Variants in ODAD2 observed in about 807,000 individuals in gnomAD.
ODAD2 encodes the protein outer dynein arm-docking complex subunit 2.
ODAD2 carries 89 observed loss-of-function variants against 106.8 expected under a neutral mutation model. The observed-to-expected ratio is 0.83, with a 90% CI of 0.70 to 0.99. The LOEUF (loss-of-function observed/expected upper bound fraction) is 0.99, where lower values mean the gene tolerates loss of function less well. Among genes scored for constraint, ODAD2 ranks in the 50% least tolerant of loss-of-function variants. The pLI is 0.00. For synonymous variants in ODAD2, 404 were observed against 436.2 expected (o/e 0.93, Z 0.92); for missense variants, 1,168 against 1,238.5 (o/e 0.94, Z 0.85).
intron 19 of ODAD2, among the ~76,000 whole-genome samples, chr10:27,814,663 C>G (rs1205756524): frequency 1.3e-5 from 2 of 152,218 alleles, no homozygotes; most frequent in Non-Finnish European, 2.9e-5. Context: ...TCCATGGGCT[C>G]ACATACTTTT....
At chr10:27,862,167 G>A (rs1840093741) in intron 18 of ODAD2, among the ~76,000 whole-genome samples, 1 of 152,106 alleles carries the variant, frequency 6.6e-6, no homozygotes, top group African/African-American at 2.4e-5. Context: ...AATAGCACTT[G>A]TATTTGCCAG....
At chr10:27,900,838 T>G (rs936336511) in intron 17 of ODAD2, among the ~76,000 whole-genome samples, 1 of 152,164 alleles carries the variant, frequency 6.6e-6, no homozygotes, top group East Asian at 1.9e-4. Flanking sequence ...CTACTTTTGA[T>G]TGGTGTACCT....
chr10:27,838,883 C>T (rs567365575), intron 19 of ODAD2, among the ~76,000 whole-genome samples: 1 of 152,272 alleles, frequency 6.6e-6, no homozygotes, highest in South Asian at 2.1e-4. Context: ...CGGGACATAG[C>T]TACTGTTGAA....
In ODAD2 at chr10:27,940,659, T is replaced by C; in HGVS notation, c.1890A>G (p.Lys630=). The change falls in exon 13 of 20, where the codon AAA becomes AAG. Residue 630 remains lysine (K), a synonymous_variant. Coordinates refer to ENST00000305242, the MANE Select transcript of ODAD2 (RefSeq NM_018076.5). ...GAGCCAACAGAGGAATGCCCCCAGCTTTGCGGATGGCTTCTTTATTCGTAT... is the reference window on the plus strand; with the variant it reads ...GAGCCAACAGAGGAATGCCCCCAGCCTTGCGGATGGCTTCTTTATTCGTAT... The part of the protein sequence containing the change: ...KSHTNKEAIR[K]AGGIPLLARL... 1.2e-6 allele frequency: 2 copies of C among 1,614,132 alleles called. No homozygotes were observed. Among genetic ancestry groups the C allele is most frequent in the Non-Finnish European group, 1.7e-6 (2 of 1,180,002 alleles).
rs758029310 is a variant in ODAD2, at chr10:27,986,656, T to C, written c.382+730A>G. Reference sequence around the variant, plus strand: ...TCAAATACCTTGTGCCAGAAACCCATTGGTCACATAATTCCAATAAAGCAG... The same window carrying C: ...TCAAATACCTTGTGCCAGAAACCCACTGGTCACATAATTCCAATAAAGCAG... On this transcript the variant is annotated intron_variant, in intron 3 of 19. Coordinates refer to ENST00000305242, the MANE Select transcript of ODAD2 (RefSeq NM_018076.5). 7.2e-5 allele frequency among the ~76,000 whole-genome samples: 11 copies of C among 152,194 alleles called. No homozygotes were observed. The East Asian group carries it at 9.6e-4, about 13-fold the overall frequency.
chr10:27,841,972 G>A (rs1202386083), intron 19 of ODAD2, among the ~76,000 whole-genome samples: 1 of 152,114 alleles, frequency 6.6e-6, no homozygotes, highest in Non-Finnish European at 1.5e-5. Flanking sequence ...GCCCAGGCTA[G>A]TCCTCAGAAA....
At chr10:27,907,418 T>TCC (rs1174203189) in intron 17 of ODAD2, among the ~76,000 whole-genome samples, 5 of 152,176 alleles carry the variant, frequency 3.3e-5, no homozygotes, top group Non-Finnish European at 7.3e-5. Flanking sequence ...GATGCTTGCT[T>TCC]CCATTGCACC....
chr10:27,948,158 A>T (rs1348856166), intron 10 of ODAD2, among the ~76,000 whole-genome samples: 1 of 152,212 alleles, frequency 6.6e-6, no homozygotes, highest in African/African-American at 2.4e-5. Flanking sequence ...TACAGTTATC[A>T]TCAAGAAGTT....
In ODAD2 at chr10:27,956,093, T is replaced by C. The variant is rs546759472; in HGVS notation, c.1386+5475A>G. On this transcript the variant is annotated intron_variant, in intron 10 of 19. Coordinates refer to ENST00000305242, the MANE Select transcript of ODAD2 (RefSeq NM_018076.5). ...AAATCCACGCCAGTGTTTGATGAATTTGATGATACAGAACAAACAAATTAG... is the reference window on the plus strand; with the variant it reads ...AAATCCACGCCAGTGTTTGATGAATCTGATGATACAGAACAAACAAATTAG... 3.9e-5 allele frequency among the ~76,000 whole-genome samples: 6 copies of C among 152,208 alleles called. No homozygotes were observed. The South Asian group carries it at 1.2e-3, about 32-fold the overall frequency.
chr10:27,972,059 G>C (rs1266695395), intron 7 of ODAD2, among the ~76,000 whole-genome samples: 1 of 152,098 alleles, frequency 6.6e-6, no homozygotes, highest in Non-Finnish European at 1.5e-5. Flanking sequence ...ACATATAATT[G>C]ACTATCTAAA....
rs1037207811 is a variant in ODAD2, at chr10:27,981,713, G to T, written c.820-131C>A. On this transcript the variant is annotated intron_variant, in intron 6 of 19. Transcript: ENST00000305242. The stretch of plus-strand genomic sequence containing the variant: ...GATCTATATGGTAGTTTTAATACAG[G>T]AAATGTATAGGCAAAATCCTTCCCC... 9.3e-6 allele frequency: 6 copies of T among 646,026 alleles called. No individual in the cohort carries two copies. The East Asian group carries it at 1.3e-4, about 14-fold the overall frequency. 40.0% of individuals were successfully genotyped at this position (646,026 alleles called of 1,614,324 possible).
intron 19 of ODAD2, among the ~76,000 whole-genome samples, chr10:27,850,486 G>GGC (rs1399387701): frequency 1.3e-5 from 2 of 151,230 alleles, no homozygotes; most frequent in Non-Finnish European, 2.9e-5. Context: ...GAACGTGGGA[G>GGC]GCGGAGGTTG....
intron 16 of ODAD2, among the ~76,000 whole-genome samples, chr10:27,914,688 GTA>G (rs960178921): frequency 2.0e-5 from 3 of 146,888 alleles, no homozygotes; most frequent in Admixed American, 6.7e-5. Flanking sequence ...GTATGTGTGT[GTA>G]TATATATATG....
At chr10:27,954,430 G>T (rs1847577863) in intron 10 of ODAD2, among the ~76,000 whole-genome samples, 1 of 152,152 alleles carries the variant, frequency 6.6e-6, no homozygotes, top group East Asian at 1.9e-4. Flanking sequence ...TAACTAGATG[G>T]GTATGTGTAT....
intron 19 of ODAD2, among the ~76,000 whole-genome samples, chr10:27,842,231 G>A (rs1347357017): frequency 1.3e-5 from 2 of 152,138 alleles, no homozygotes; most frequent in Admixed American, 1.3e-4. Flanking sequence ...CTTCTTAAAT[G>A]GTTGAGAGGG....
intron 16 of ODAD2, among the ~76,000 whole-genome samples, chr10:27,908,668 A>G (rs1052620025): frequency 6.6e-6 from 1 of 152,222 alleles, no homozygotes; most frequent in African/African-American, 2.4e-5. Context: ...CAGATAGAAT[A>G]AATACTAGCT....
chr10:27,905,569 A>G (rs531892760), intron 17 of ODAD2, among the ~76,000 whole-genome samples: 6 of 152,362 alleles, frequency 3.9e-5, no homozygotes, highest in African/African-American at 1.4e-4. Flanking sequence ...GACAATCTTA[A>G]GCAAAAAGAA....
At chr10:27,870,462 G>A (rs572095571) in intron 17 of ODAD2, among the ~76,000 whole-genome samples, 77 of 151,760 alleles carry the variant, frequency 5.1e-4, no homozygotes, top group Non-Finnish European at 9.4e-4. Flanking sequence ...CCATTAACTC[G>A]TCATTTACAT....
chr10:27,916,797 G>T (rs1008324403), intron 16 of ODAD2, among the ~76,000 whole-genome samples: 1 of 152,082 alleles, frequency 6.6e-6, no homozygotes. Flanking sequence ...TCAACAGTAG[G>T]CTATTAGTAG....
Sources: gnomAD v4.1 joint callset for allele counts (sites outside exome capture counted in the v4.1 genomes callset) on GRCh38, gnomAD v4.1.1 for gene constraint, MANE v1.5 for transcripts, NCBI Gene and HGNC (gene_info 2026-07-23, HGNC 2026-07-21) for gene names.